Variants in TMEM163 observed in about 807,000 individuals in gnomAD.
TMEM163 encodes the protein transmembrane protein 163.
In TMEM163, 17 loss-of-function variants were observed where a neutral mutation model predicts 29.3. The ratio of observed to expected loss-of-function variants is 0.58; its 90% CI spans 0.40 to 0.87. The LOEUF (loss-of-function observed/expected upper bound fraction) is 0.87, where lower values mean the gene tolerates loss of function less well. Among genes scored for constraint, TMEM163 ranks in the 40% least tolerant of loss-of-function variants. TMEM163 has a pLI of 0.00. For missense variants in TMEM163, 303 were observed against 381.5 expected (o/e 0.79, Z 1.71); for synonymous variants, 157 against 160.6 (o/e 0.98, Z 0.17).
At chr2:134,536,295 ACT>A (rs1434633844) in intron 4 of TMEM163, among the ~76,000 whole-genome samples, 1 of 151,880 alleles carries the variant, frequency 6.6e-6, no homozygotes. Context: ...ACGAAAGGAG[ACT>A]CTGCCCAAAA....
intron 3 of TMEM163, among the ~76,000 whole-genome samples, chr2:134,550,913 G>A (rs528243217): frequency 7.4e-4 from 112 of 152,326 alleles, no homozygotes; most frequent in African/African-American, 2.4e-3. Context: ...GATATAGAGC[G>A]GAAGGTGGGG....
chr2:134,661,635 C>T (rs930161853), intron 2 of TMEM163, among the ~76,000 whole-genome samples: 1 of 152,180 alleles, frequency 6.6e-6, no homozygotes, highest in Non-Finnish European at 1.5e-5. Flanking sequence ...TTATGATGAT[C>T]TTGAGAGCAG....
At chr2:134,684,946 A>G (rs1684323687) in intron 2 of TMEM163, among the ~76,000 whole-genome samples, 1 of 151,434 alleles carries the variant, frequency 6.6e-6, no homozygotes, top group Admixed American at 6.6e-5. Context: ...AAAAAGAAAA[A>G]GCAGAATGAA....
chr2:134,459,618 T>TCACACC (rs1686488116), intron 6 of TMEM163, among the ~76,000 whole-genome samples: 1 of 150,840 alleles, frequency 6.6e-6, no homozygotes, highest in Admixed American at 6.6e-5. Flanking sequence ...GCCTCCACAC[T>TCACACC]CACACCCCCC....
At chr2:134,633,963 ATACATATATAT>A (rs1257740120) in intron 2 of TMEM163, among the ~76,000 whole-genome samples, 6 of 85,028 alleles carry the variant, frequency 7.1e-5, no homozygotes, top group African/African-American at 2.8e-4. Flanking sequence ...CAAAAAAAAA[ATACATATATAT>A]ATATATATAT....
intron 6 of TMEM163, among the ~76,000 whole-genome samples, chr2:134,461,635 C>T (rs1056440576): frequency 6.6e-6 from 1 of 152,228 alleles, no homozygotes; most frequent in East Asian, 1.9e-4. Flanking sequence ...TTCACTGCAC[C>T]GCACAGGGTG....
chr2:134,718,258 C>A (rs956060300), intron 1 of TMEM163, among the ~76,000 whole-genome samples: 23 of 152,064 alleles, frequency 1.5e-4, no homozygotes, highest in African/African-American at 5.6e-4. Flanking sequence ...GCCGGGCGGC[C>A]GCCGAGGGAC....
At chr2:134,554,726 A>G (rs957340998) in intron 2 of TMEM163, among the ~76,000 whole-genome samples, 1 of 152,170 alleles carries the variant, frequency 6.6e-6, no homozygotes, top group African/African-American at 2.4e-5. Flanking sequence ...TCCCCGACTC[A>G]ATTGGAGTGT....
intron 5 of TMEM163, among the ~76,000 whole-genome samples, chr2:134,481,384 G>A (rs945617200): frequency 4.6e-5 from 7 of 151,532 alleles, no homozygotes; most frequent in Non-Finnish European, 8.8e-5. Flanking sequence ...TCATGGGGGG[G>A]GGGGGAGCTT....
chr2:134,698,949 T>C (rs541484536), intron 2 of TMEM163, among the ~76,000 whole-genome samples: 8 of 152,318 alleles, frequency 5.3e-5, no homozygotes, highest in African/African-American at 1.9e-4. Context: ...TGGCTCCACA[T>C]TGAGCCACTG....
chr2:134,536,463 G>A (rs1039257748), intron 4 of TMEM163, among the ~76,000 whole-genome samples: 2 of 152,098 alleles, frequency 1.3e-5, no homozygotes, highest in Non-Finnish European at 2.9e-5. Flanking sequence ...ACCTGAGCAG[G>A]ACGTGTGCTG....
intron 2 of TMEM163, among the ~76,000 whole-genome samples, chr2:134,666,405 A>G (rs1683874004): frequency 6.6e-6 from 1 of 152,062 alleles, no homozygotes; most frequent in African/African-American, 2.4e-5. Context: ...TTCCAAACTT[A>G]ACTAGAGGAC....
intron 5 of TMEM163, among the ~76,000 whole-genome samples, chr2:134,496,122 C>T (rs974521652): frequency 5.3e-5 from 8 of 150,872 alleles, no homozygotes; most frequent in East Asian, 3.9e-4. Context: ...AGTGCAGTGG[C>T]GCAATCTTGG....
intron 2 of TMEM163, among the ~76,000 whole-genome samples, chr2:134,596,906 G>C (rs1682098193): frequency 6.6e-6 from 1 of 151,982 alleles, no homozygotes; most frequent in African/African-American, 2.4e-5. Context: ...TCATGATTTG[G>C]CTCTGTTTGT....
At chr2:134,510,460 G>T (rs1679922585) in intron 4 of TMEM163, among the ~76,000 whole-genome samples, 1 of 152,094 alleles carries the variant, frequency 6.6e-6, no homozygotes, top group African/African-American at 2.4e-5. Flanking sequence ...AAGGCTGAAG[G>T]GTAAGAACTA....
intron 4 of TMEM163, among the ~76,000 whole-genome samples, chr2:134,545,175 T>C (rs1004176182): frequency 6.6e-6 from 1 of 152,148 alleles, no homozygotes; most frequent in East Asian, 1.9e-4. Context: ...TAGTGCTTCA[T>C]TCTTTAGAGT....
chr2:134,639,734 CT>C (rs1683186324), intron 2 of TMEM163, among the ~76,000 whole-genome samples: 1 of 152,218 alleles, frequency 6.6e-6, no homozygotes, highest in Non-Finnish European at 1.5e-5. Flanking sequence ...ACATACCACT[CT>C]TTCCGAGGCC....
chr2:134,640,177 A>G (rs1683193803), intron 2 of TMEM163, among the ~76,000 whole-genome samples: 1 of 152,204 alleles, frequency 6.6e-6, no homozygotes, highest in African/African-American at 2.4e-5. Flanking sequence ...TATAAAAGGC[A>G]GAAAAGGAAG....
At chr2:134,615,431 A>G (rs1448119140) in intron 2 of TMEM163, among the ~76,000 whole-genome samples, 1 of 152,228 alleles carries the variant, frequency 6.6e-6, no homozygotes, top group African/African-American at 2.4e-5. Context: ...ATAATGTTGA[A>G]GACGAAACCC....
Sources: gnomAD v4.1 joint callset for allele counts (sites outside exome capture counted in the v4.1 genomes callset) on GRCh38, gnomAD v4.1.1 for gene constraint, MANE v1.5 for transcripts, NCBI Gene and HGNC (gene_info 2026-07-23, HGNC 2026-07-21) for gene names.